The following IGSF3 variants were observed in gnomAD, a reference collection of about 807,000 sequenced individuals.
IGSF3 encodes the protein glu-Trp-Ile EWI motif-containing protein 3.
Under a neutral mutation model 114.4 loss-of-function variants are expected in IGSF3, and 23 were observed. That is an observed-to-expected ratio of 0.20 (90% CI 0.14 to 0.28). The LOEUF is 0.28. Among genes scored for constraint, IGSF3 ranks in the 10% least tolerant of loss-of-function variants. IGSF3 has a pLI of 1.00. For synonymous variants in IGSF3, 571 were observed against 645.2 expected (o/e 0.88, Z 1.74); for missense variants, 1,172 against 1,591.5 (o/e 0.74, Z 4.48).
chr1:116,605,747 A>G lies in IGSF3; in HGVS notation c.1223-1722T>C, dbSNP rs560811550. On this transcript the variant is annotated intron_variant, in intron 5 of 10. Transcript: ENST00000369486. This position sits in a 1 kb window ranked among gnomAD's most constrained non-coding sequence, Gnocchi z 5.1. ...CTCTTTAGATTAAAGACTCATCCCC[A>G]CTGTTATCAATTCAAAATAAGGGAT... Among the ~76,000 whole-genome samples, 2 of 152,280 alleles carry G rather than the reference A, an allele frequency of 1.3e-5. No individual in the cohort carries two copies. The highest frequency in any genetic ancestry group is 4.8e-5 in the African/African-American group (2 of 41,552).
chr1:116,607,713 T>A lies in IGSF3; in HGVS notation c.1222+229A>T, dbSNP rs948810146. Reference sequence around the variant, plus strand: ...GCCTATGCCCAGCCCTAGACTGCCCTGATTCTGGACACCCCTGATCCTGAT... The same window carrying A: ...GCCTATGCCCAGCCCTAGACTGCCCAGATTCTGGACACCCCTGATCCTGAT... On this transcript the variant is annotated intron_variant, in intron 5 of 10. Transcript: ENST00000369486. The surrounding 1 kb of genome is among the most constrained non-coding windows in gnomAD (Gnocchi z 6.1). Among the ~76,000 whole-genome samples, 5 of 152,192 alleles carry A rather than the reference T, an allele frequency of 3.3e-5. No individual in the cohort carries two copies. Among genetic ancestry groups the A allele is most frequent in the Admixed American group, 6.5e-5 (1 of 15,284 alleles).
intron 7 of IGSF3, among the ~76,000 whole-genome samples, chr1:116,597,947 C>G (rs180786452): frequency 6.6e-6 from 1 of 152,150 alleles, no homozygotes; most frequent in Non-Finnish European, 1.5e-5. Flanking sequence ...AAAAAGAAAA[C>G]ATGAGTAAAG....
intron 4 of IGSF3, 28 bp from the exon 5 acceptor site, chr1:116,608,359 C>T: frequency 1.3e-6 from 2 of 1,585,926 alleles, no homozygotes; most frequent in Non-Finnish European, 1.7e-6. Flanking sequence ...AAAAGAGACA[C>T]ATCCTGGGTG....
At position 116,664,912 on chromosome 1, in the gene IGSF3, G is replaced by A. The variant is rs975132888; in HGVS notation, c.43+1372C>T. On this transcript the variant is annotated intron_variant, in intron 2 of 10. Transcript: ENST00000369486. The surrounding 1 kb of genome is among the most constrained non-coding windows in gnomAD (Gnocchi z 4.6). ...GAGACCTGGGTCCCACTCCCTAAGC[G>A]AGTTTGGTTTCACTGATCTGGGGTT... Among the ~76,000 whole-genome samples the A allele has an allele frequency of 9.9e-5, 15 of 152,214 alleles. 1 individual carries two copies. The highest frequency in any genetic ancestry group is 9.6e-5 in the African/African-American group (4 of 41,456).
chr1:116,611,767 A>G (rs182270219), intron 4 of IGSF3, among the ~76,000 whole-genome samples: 157 of 152,116 alleles, frequency 1.0e-3, no homozygotes, highest in African/African-American at 3.7e-3. Context: ...AACACTTCCT[A>G]TTTCCGGTAT....
intron 2 of IGSF3, among the ~76,000 whole-genome samples, chr1:116,619,453 T>G (rs145318944): frequency 6.6e-6 from 1 of 152,206 alleles, no homozygotes; most frequent in Non-Finnish European, 1.5e-5. Context: ...AACTACTGGA[T>G]TGCACTTTAA....
rs201487768 is a variant in IGSF3, at chr1:116,596,381, C to T, written c.2029+3560G>A. Among the ~76,000 whole-genome samples the T allele has an allele frequency of 6.6e-6, 1 of 152,160 alleles. No individual in the cohort carries two copies. Among genetic ancestry groups the T allele is most frequent in the Non-Finnish European group, 1.5e-5 (1 of 68,040 alleles). Reference sequence around the variant, plus strand: ...AATCTATGTTTTGAGGGGCAAGGTACGCAGGGAGAGCAAAAGAAGAGAGGA... The same window carrying T: ...AATCTATGTTTTGAGGGGCAAGGTATGCAGGGAGAGCAAAAGAAGAGAGGA... On this transcript the variant is annotated intron_variant, in intron 7 of 10. Transcript: ENST00000369486. The surrounding 1 kb of genome is among the most constrained non-coding windows in gnomAD (Gnocchi z 4.1).
At chr1:116,656,754 C>A (rs972553253) in intron 2 of IGSF3, among the ~76,000 whole-genome samples, 3 of 151,950 alleles carry the variant, frequency 2.0e-5, no homozygotes, top group Non-Finnish European at 4.4e-5. Context: ...ATGGTGAAAC[C>A]CCATCTCTAC....
At position 116,656,450 on chromosome 1, in the gene IGSF3, G is replaced by A. The variant is rs894421602; in HGVS notation, c.43+9834C>T. Among the ~76,000 whole-genome samples the A allele has an allele frequency of 1.7e-4, 26 of 151,722 alleles. No homozygotes were observed. The East Asian group carries it at 2.5e-3, about 15-fold the overall frequency. ...CGGGTAGCTGCAACTACAGGTGCCC[G>A]CCACCACACCCAGCTAATTTTTTTG... On this transcript the variant is annotated intron_variant, in intron 2 of 10. Coordinates refer to ENST00000369486, the MANE Select transcript of IGSF3 (RefSeq NM_001007237.3).
rs1647328689 is a variant in IGSF3 at position 116,627,162 on chromosome 1, G to A, written c.44-10705C>T. Reference sequence around the variant, plus strand: ...ATTTTTTTTTAAAGAGGGCAGCTTCGTGGCAACACTCCCTCTGAGAAGTCC... The same window carrying A: ...ATTTTTTTTTAAAGAGGGCAGCTTCATGGCAACACTCCCTCTGAGAAGTCC... On this transcript the variant is annotated intron_variant, in intron 2 of 10. Coordinates refer to ENST00000369486, the MANE Select transcript of IGSF3 (RefSeq NM_001007237.3). The surrounding 1 kb of genome is among the most constrained non-coding windows in gnomAD (Gnocchi z 4.7). 2.0e-5 allele frequency among the ~76,000 whole-genome samples: 3 copies of A among 152,012 alleles called. No individual in the cohort carries two copies. The highest frequency in any genetic ancestry group is 7.3e-5 in the African/African-American group (3 of 41,378).
At chr1:116,619,251 A>C (rs1661333416) in intron 2 of IGSF3, among the ~76,000 whole-genome samples, 1 of 152,172 alleles carries the variant, frequency 6.6e-6, no homozygotes, top group Non-Finnish European at 1.5e-5. Flanking sequence ...AGATACTAGC[A>C]TTTGTGAGGC....
intron 2 of IGSF3, among the ~76,000 whole-genome samples, chr1:116,658,753 C>T (rs1222689601): frequency 6.6e-6 from 1 of 152,208 alleles, no homozygotes; most frequent in Admixed American, 6.5e-5. Flanking sequence ...ACTCTGGCCT[C>T]CCCTTCACTC....
intron 2 of IGSF3, among the ~76,000 whole-genome samples, chr1:116,658,024 GTT>G (rs200847453): frequency 6.9e-6 from 1 of 143,930 alleles, no homozygotes. Flanking sequence ...TCTGATTATG[GTT>G]TTTTTTTTTT....
intron 2 of IGSF3, among the ~76,000 whole-genome samples, chr1:116,623,160 T>G (rs546735720): frequency 6.6e-6 from 1 of 152,364 alleles, no homozygotes; most frequent in South Asian, 2.1e-4. Context: ...GATCCTTTGT[T>G]TGACCTCTTT....
At chr1:116,590,167 G>T (rs1459310381) in intron 7 of IGSF3, among the ~76,000 whole-genome samples, 1 of 151,986 alleles carries the variant, frequency 6.6e-6, no homozygotes, top group African/African-American at 2.4e-5. Flanking sequence ...TCTCCTCACT[G>T]TCCTGCTCCA....
At position 116,607,712 on chromosome 1, in the gene IGSF3, C is replaced by G. The variant is rs542471097; in HGVS notation, c.1222+230G>C. ...GGCCTATGCCCAGCCCTAGACTGCC[C>G]TGATTCTGGACACCCCTGATCCTGA... On this transcript the variant is annotated intron_variant, in intron 5 of 10. Coordinates refer to ENST00000369486, the MANE Select transcript of IGSF3 (RefSeq NM_001007237.3). This position sits in a 1 kb window ranked among gnomAD's most constrained non-coding sequence, Gnocchi z 6.1. 1.4e-3 allele frequency among the ~76,000 whole-genome samples: 211 copies of G among 152,338 alleles called. 16 individuals are homozygous for G. Among genetic ancestry groups the G allele is most frequent in the South Asian group, 4.1e-3 (20 of 4,826 alleles).
chr1:116,635,568 C>A (rs1647790857), intron 2 of IGSF3, among the ~76,000 whole-genome samples: 1 of 152,250 alleles, frequency 6.6e-6, no homozygotes, highest in Non-Finnish European at 1.5e-5. Context: ...TGCCCTACAA[C>A]ACGGGGCAGA....
rs138342023 is a variant in IGSF3, at chr1:116,607,065, C to T, written c.1222+877G>A. On this transcript the variant is annotated intron_variant, in intron 5 of 10. Coordinates refer to ENST00000369486, the MANE Select transcript of IGSF3 (RefSeq NM_001007237.3). This position sits in a 1 kb window ranked among gnomAD's most constrained non-coding sequence, Gnocchi z 6.1. ...AAATAAAAAGTAAAGGAAATTATTA[C>T]AAGGCTCAGAGAAAGAATAGTTTGA... 0.038 allele frequency among the ~76,000 whole-genome samples: 5,730 copies of T among 152,188 alleles called. 307 individuals carry two copies. The highest frequency in any genetic ancestry group is 0.12 in the African/African-American group (4,915 of 41,508).
Position 116,579,052 on chromosome 1 carries a change from T to C in IGSF3, c.3334+340A>G, listed in dbSNP as rs1428976888. ...GAGTCTGAAACGCTTGCTAATTCGC[T>C]AAAGACTAGTTCCAATATTCTAAAA... On this transcript the variant is annotated intron_variant, in intron 10 of 10. Transcript: ENST00000369486. The surrounding 1 kb of genome is among the most constrained non-coding windows in gnomAD (Gnocchi z 6.4). Among the ~76,000 whole-genome samples, 20 of 152,222 alleles carry C rather than the reference T, an allele frequency of 1.3e-4. No homozygotes were observed. Among genetic ancestry groups the C allele is most frequent in the Admixed American group, 1.3e-3 (20 of 15,280 alleles).
Sources: allele counts gnomAD v4.1 joint callset (sites outside exome capture counted in the v4.1 genomes callset), GRCh38; gene constraint gnomAD v4.1.1; non-coding constraint Gnocchi (gnomAD v3.1); transcripts MANE v1.5; gene names NCBI Gene and HGNC (gene_info 2026-07-23, HGNC 2026-07-21).